The following PRIM2 variants were observed in gnomAD, a reference collection of about 807,000 sequenced individuals.
The protein encoded by PRIM2 is DNA primase subunit 2.
Under a neutral mutation model 67.3 loss-of-function variants are expected in PRIM2, and 39 were observed. The ratio of observed to expected loss-of-function variants is 0.58; its 90% confidence interval spans 0.45 to 0.76. PRIM2 has a LOEUF of 0.76. Among genes scored for constraint, PRIM2 ranks in the 30% least tolerant of loss-of-function variants. PRIM2 has a pLI of 0.00. For synonymous variants in PRIM2, 143 were observed against 198.7 expected, an observed-to-expected ratio of 0.72 and a Z score of 2.36; for missense variants, 398 against 598.7, an observed-to-expected ratio of 0.66 and a Z score of 3.50.
chr6:57,585,084 G>T (rs1472635291), intron 10 of PRIM2, among the ~76,000 whole-genome samples: 1 of 152,232 alleles, frequency 6.6e-6, no homozygotes, highest in Non-Finnish European at 1.5e-5. Flanking sequence ...CTGTGTTACA[G>T]ACTTCAAATT....
At chr6:57,457,047 G>C (rs1351689595) in intron 7 of PRIM2, among the ~76,000 whole-genome samples, 1 of 152,180 alleles carries the variant, frequency 6.6e-6, no homozygotes, top group Non-Finnish European at 1.5e-5. Context: ...GTTTGCTGGA[G>C]GTCCACTCCA....
intron 5 of PRIM2, among the ~76,000 whole-genome samples, chr6:57,340,378 A>G (rs1319652157): frequency 6.6e-6 from 1 of 152,176 alleles, no homozygotes; most frequent in Non-Finnish European, 1.5e-5. Context: ...AGGACTATAA[A>G]TCATGCTGCT....
intron 7 of PRIM2, among the ~76,000 whole-genome samples, chr6:57,405,159 T>G (rs1165379962): frequency 1.1e-4 from 16 of 152,298 alleles, no homozygotes; most frequent in African/African-American, 3.1e-4. Flanking sequence ...GTTTTTTTTT[T>G]TGGTGGGGAG....
intron 6 of PRIM2, among the ~76,000 whole-genome samples, chr6:57,381,716 G>A (rs1769965148): frequency 6.6e-6 from 1 of 152,154 alleles, no homozygotes; most frequent in East Asian, 1.9e-4. Flanking sequence ...ATGTGTAGAA[G>A]TCTTGAGTTA....
Position 57,355,020 on chromosome 6 carries a change from C to T in PRIM2, c.460-24881C>T, listed in dbSNP as rs79048093. Among the ~76,000 whole-genome samples the T allele has an allele frequency of 1.4e-4, 22 of 152,340 alleles. No homozygotes were observed. In the East Asian group the frequency reaches 1.7e-3, roughly 12 times the overall value. Reference sequence around the variant, plus strand: ...ATGCATAGAAATGGTCAGAACATATCGGGCTGGGCGCGGTGGCTCACACGT... The same window carrying T: ...ATGCATAGAAATGGTCAGAACATATTGGGCTGGGCGCGGTGGCTCACACGT... On this transcript the variant is annotated intron_variant, in intron 5 of 13. Coordinates refer to ENST00000615550, the MANE Select transcript of PRIM2 (RefSeq NM_000947.5).
At chr6:57,432,381 T>A (rs1771865840) in intron 7 of PRIM2, among the ~76,000 whole-genome samples, 1 of 150,370 alleles carries the variant, frequency 6.7e-6, no homozygotes, top group South Asian at 2.1e-4. Context: ...TGAAGGGCAT[T>A]GAATGAGAAA....
At chr6:57,625,909 C>T (rs1416339623) in intron 12 of PRIM2, among the ~76,000 whole-genome samples, 4 of 152,206 alleles carry the variant, frequency 2.6e-5, no homozygotes, top group South Asian at 2.1e-4. Context: ...GGAGCAAAGT[C>T]GTATGTTCAA....
intron 5 of PRIM2, among the ~76,000 whole-genome samples, chr6:57,349,475 ATATT>A (rs1302081617): frequency 3.3e-5 from 5 of 150,350 alleles, no homozygotes; most frequent in Non-Finnish European, 5.9e-5. Flanking sequence ...TATTTTATAT[ATATT>A]TAGTTATGGA....
At chr6:57,370,958 A>G (rs568770495) in intron 5 of PRIM2, among the ~76,000 whole-genome samples, 1 of 152,190 alleles carries the variant, frequency 6.6e-6, no homozygotes, top group East Asian at 1.9e-4. Flanking sequence ...TCAGCCTCCC[A>G]AAGTGCTGGG....
chr6:57,613,501 A>G (rs1776701631), intron 12 of PRIM2, among the ~76,000 whole-genome samples: 2 of 152,218 alleles, frequency 1.3e-5, no homozygotes, highest in African/African-American at 4.8e-5. Context: ...GTCTTTGGGT[A>G]TGAAATTCTA....
chr6:57,641,182 C>T, intron 13 of PRIM2, among the ~76,000 whole-genome samples: 1 of 151,950 alleles, frequency 6.6e-6, no homozygotes, highest in Non-Finnish European at 1.5e-5. Flanking sequence ...AACTGGCTAG[C>T]CATATGCAGA....
chr6:57,340,114 A>C (rs1768417913), intron 5 of PRIM2, among the ~76,000 whole-genome samples: 1 of 152,236 alleles, frequency 6.6e-6, no homozygotes, highest in Non-Finnish European at 1.5e-5. Context: ...AATGCTCATG[A>C]TCACTGGCCA....
chr6:57,246,529 T>C, the PRIM2 span, among the ~76,000 whole-genome samples: 2 of 152,238 alleles, frequency 1.3e-5, no homozygotes, highest in South Asian at 2.1e-4. Context: ...CAGGATGGTG[T>C]TGCAACAATT....
chr6:57,577,005 T>C (rs1285512044), intron 10 of PRIM2, among the ~76,000 whole-genome samples: 2 of 152,078 alleles, frequency 1.3e-5, no homozygotes, highest in Admixed American at 1.3e-4. Context: ...TACAAATGAC[T>C]TTATTTAAAT....
the PRIM2 span, among the ~76,000 whole-genome samples, chr6:57,223,313 G>A: frequency 6.6e-6 from 1 of 152,148 alleles, no homozygotes; most frequent in Non-Finnish European, 1.5e-5. Flanking sequence ...AGGAGTTAGC[G>A]ACTAGAAGAG....
intron 7 of PRIM2, among the ~76,000 whole-genome samples, chr6:57,418,081 A>G (rs1166690013): frequency 6.6e-6 from 1 of 152,184 alleles, no homozygotes; most frequent in African/African-American, 2.4e-5. Flanking sequence ...ATTGTATTGT[A>G]AAATAAATGC....
At chr6:57,401,611 G>T (rs969599933) in intron 7 of PRIM2, among the ~76,000 whole-genome samples, 5 of 152,116 alleles carry the variant, frequency 3.3e-5, no homozygotes, top group African/African-American at 4.8e-5. Flanking sequence ...TGTGCTCAGT[G>T]TTTATGTTCC....
chr6:57,581,546 T>C (rs1377973918), intron 10 of PRIM2, among the ~76,000 whole-genome samples: 1 of 152,190 alleles, frequency 6.6e-6, no homozygotes, highest in Non-Finnish European at 1.5e-5. Context: ...AGGTGAAAGT[T>C]TTATCATTAA....
At chr6:57,567,855 T>C (rs1775774362) in intron 10 of PRIM2, among the ~76,000 whole-genome samples, 3 of 152,204 alleles carry the variant, frequency 2.0e-5, no homozygotes, top group African/African-American at 4.8e-5. Flanking sequence ...AGCAAAATCA[T>C]ATTTTTCCAG....
Sources: allele counts gnomAD v4.1 joint callset (sites outside exome capture counted in the v4.1 genomes callset), GRCh38; gene constraint gnomAD v4.1.1; transcripts MANE v1.5; gene names NCBI Gene and HGNC (gene_info 2026-07-23, HGNC 2026-07-21).